The following HIVEP2 variants were observed in gnomAD, a reference collection of about 807,000 sequenced individuals.
HIVEP2 encodes the protein transcription factor HIVEP2.
Under a neutral mutation model 180.7 loss-of-function variants are expected in HIVEP2, and 14 were observed. The ratio of observed to expected loss-of-function variants is 0.08; its 90% confidence interval spans 0.05 to 0.12. The LOEUF is 0.12. Ranked by LOEUF, HIVEP2 falls within the 10% of genes least tolerant of loss-of-function variation. The pLI is 1.00. For missense variants in HIVEP2, 2,579 were observed against 3,008.5 expected (o/e 0.86, Z 3.34); for synonymous variants, 1,184 against 1,136.4 (o/e 1.04, Z -0.84).
rs1775491785 is a variant in HIVEP2, at chr6:142,770,230, C to T, written c.4509G>A (p.Glu1503=). 5 of 1,614,220 alleles carry T rather than the reference C, an allele frequency of 3.1e-6. No individual in the cohort carries two copies. Among genetic ancestry groups the T allele is most frequent in the Non-Finnish European group, 4.2e-6 (5 of 1,180,040 alleles). The change falls in exon 5 of 10, where the codon GAG becomes GAA. Residue 1503 remains glutamate, a synonymous_variant. Transcript: ENST00000367603. This position sits in a 1 kb window ranked among gnomAD's most constrained non-coding sequence, Gnocchi z 4.7. ...PQLVRQGCAS[E]PKDGLQSGSS... is the part of the protein sequence containing the mutation. ...ACCCTGACTGCAAGCCATCTTTTGG[C>T]TCAGAAGCACATCCTTGTCGAACCA...
At chr6:142,934,388 G>T (rs1778005606) in intron 1 of HIVEP2, among the ~76,000 whole-genome samples, 2 of 152,276 alleles carry the variant, frequency 1.3e-5, no homozygotes, top group South Asian at 4.1e-4. Flanking sequence ...ATCAACTAGT[G>T]GGGTCAGAGT....
At chr6:142,880,108 T>A (rs1562276472) in intron 1 of HIVEP2, among the ~76,000 whole-genome samples, 1 of 152,250 alleles carries the variant, frequency 6.6e-6, no homozygotes, top group East Asian at 1.9e-4. Flanking sequence ...CTCCTCTTAG[T>A]CATCTTTATT....
At chr6:142,885,950 T>C (rs929540084) in intron 1 of HIVEP2, among the ~76,000 whole-genome samples, 1 of 152,184 alleles carries the variant, frequency 6.6e-6, no homozygotes, top group African/African-American at 2.4e-5. Flanking sequence ...TCCAAAGAAA[T>C]ACAGCCTTAC....
chr6:142,945,330 C>T (rs1778299387), upstream of HIVEP2: 1 of 152,438 alleles, frequency 6.6e-6, no homozygotes, highest in Non-Finnish European at 1.5e-5. The surrounding 1 kb of genome is among the most constrained non-coding windows in gnomAD (Gnocchi z 5.5). Context: ...TCTCCCCCAT[C>T]CCCGCCCCCT....
chr6:142,817,166 G>A (rs1776864108), intron 2 of HIVEP2, among the ~76,000 whole-genome samples: 1 of 152,206 alleles, frequency 6.6e-6, no homozygotes, highest in South Asian at 2.1e-4. Flanking sequence ...GAGTCTCAGA[G>A]ATTAGGTCTA....
intron 1 of HIVEP2, among the ~76,000 whole-genome samples, chr6:142,934,569 T>G (rs1778009047): frequency 6.6e-6 from 1 of 152,210 alleles, no homozygotes; most frequent in African/African-American, 2.4e-5. Context: ...GAAAATAAAT[T>G]GAATGTTTAT....
At chr6:142,838,207 T>C (rs1723522600) in intron 1 of HIVEP2, among the ~76,000 whole-genome samples, 1 of 152,106 alleles carries the variant, frequency 6.6e-6, no homozygotes. Flanking sequence ...ACATACTAAC[T>C]AGAAATCCAT....
At chr6:142,767,989 T>C (rs908128731) in intron 6 of HIVEP2, among the ~76,000 whole-genome samples, 6 of 152,226 alleles carry the variant, frequency 3.9e-5, no homozygotes, top group Non-Finnish European at 5.9e-5. Context: ...CTGAAGATTA[T>C]ACATGATTGT....
intron 1 of HIVEP2, among the ~76,000 whole-genome samples, chr6:142,942,622 G>A (rs1778208150): frequency 3.3e-5 from 5 of 152,064 alleles, no homozygotes. Context: ...ATGTTAAATA[G>A]GAATATAGAA....
chr6:142,813,967 G>A (rs1266368402), intron 2 of HIVEP2, among the ~76,000 whole-genome samples: 6 of 152,040 alleles, frequency 3.9e-5, no homozygotes, highest in African/African-American at 1.2e-4. Context: ...ATATAATGAT[G>A]AATAAGACAT....
At chr6:142,922,744 G>A (rs1019527915) in intron 1 of HIVEP2, among the ~76,000 whole-genome samples, 2 of 152,156 alleles carry the variant, frequency 1.3e-5, no homozygotes, top group African/African-American at 2.4e-5. Context: ...TTTTCCAGTC[G>A]TAAGTCTGAT....
Position 142,774,527 on chromosome 6 carries a change from G to T in HIVEP2, c.212C>A (p.Ser71Tyr), listed in dbSNP as rs1435625952. ...AQLFGSGKLA[S>Y]PSEVVQQVAE... ...GACTTGCTGCACCACTTCACTAGGG[G>T]AGGCCAGTTTCCCAGAACCAAACAG... Residue 71 changes from serine to tyrosine, a missense_variant, in exon 5 of 10, where the codon TCC becomes TAC. Physicochemically the swap from Ser to Tyr is moderately radical, Grantham distance 144 (BLOSUM62 -2). Transcript: ENST00000367603. This position sits in a 1 kb window ranked among gnomAD's most constrained non-coding sequence, Gnocchi z 5.1. 2 of 1,614,186 alleles carry T rather than the reference G, an allele frequency of 1.2e-6. No homozygotes were observed. The highest frequency in any genetic ancestry group is 1.7e-6 in the Non-Finnish European group (2 of 1,180,042).
intron 1 of HIVEP2, 171 bp downstream of exon 1, chr6:142,944,928 C>T (rs1392946924): frequency 6.6e-6 from 1 of 152,286 alleles, no homozygotes; most frequent in East Asian, 1.9e-4. Context: ...CGCTTCCTTC[C>T]TTCGCTCCTT....
chr6:142,827,386 C>G (rs1052342441), intron 2 of HIVEP2, among the ~76,000 whole-genome samples: 1 of 152,204 alleles, frequency 6.6e-6, no homozygotes, highest in Non-Finnish European at 1.5e-5. Context: ...CTCCTGCTAG[C>G]ATATTGCACC....
chr6:142,810,877 A>G (rs769535625), intron 2 of HIVEP2, among the ~76,000 whole-genome samples: 6 of 152,130 alleles, frequency 3.9e-5, no homozygotes, highest in Non-Finnish European at 7.4e-5. Flanking sequence ...ATGGTTTTCC[A>G]AGGAGAATTG....
At chr6:142,877,444 AT>A (rs1366072140) in intron 1 of HIVEP2, among the ~76,000 whole-genome samples, 3 of 152,206 alleles carry the variant, frequency 2.0e-5, no homozygotes, top group Non-Finnish European at 4.4e-5. Context: ...CAGAAAGTAA[AT>A]AATGTAATAT....
intron 1 of HIVEP2, among the ~76,000 whole-genome samples, chr6:142,941,132 T>C (rs910279520): frequency 3.3e-5 from 5 of 152,156 alleles, no homozygotes; most frequent in African/African-American, 1.2e-4. Context: ...GACCCAAATA[T>C]CAGGCAGTTC....
At chr6:142,776,212 G>A (rs1775695786) in intron 3 of HIVEP2, 21 bp from the exon 4 acceptor site, 1 of 152,562 alleles carries the variant, frequency 6.6e-6, no homozygotes, top group Non-Finnish European at 1.5e-5. Context: ...AATAAATGCA[G>A]TTAGGGAAAA....
intron 1 of HIVEP2, among the ~76,000 whole-genome samples, chr6:142,937,125 A>G (rs2128440478): frequency 6.6e-6 from 1 of 152,306 alleles, no homozygotes; most frequent in South Asian, 2.1e-4. Context: ...GAACCAGAGA[A>G]TTTAGTTCAC....
Sources: gnomAD v4.1 joint callset for allele counts (sites outside exome capture counted in the v4.1 genomes callset) on GRCh38, gnomAD v4.1.1 for gene constraint, Gnocchi (gnomAD v3.1) non-coding constraint, MANE v1.5 for transcripts, NCBI Gene and HGNC (gene_info 2026-07-23, HGNC 2026-07-21) for gene names.